The following TEX9 variants were observed in gnomAD, a reference collection of about 807,000 sequenced individuals.
TEX9 encodes the protein testis-expressed protein 9.
Under a neutral mutation model 59.6 loss-of-function variants are expected in TEX9, and 74 were observed. That is an observed-to-expected ratio of 1.24 (90% CI 1.03 to 1.51). The LOEUF is 1.51. Among genes scored for constraint, TEX9 ranks in the 40% most tolerant of loss-of-function variants. TEX9 has a pLI of 0.00. For synonymous variants in TEX9, 186 were observed against 152.2 expected, an observed-to-expected ratio of 1.22 and a Z score of -1.64; for missense variants, 522 against 447.8, an observed-to-expected ratio of 1.17 and a Z score of -1.49.
chr15:56,456,613 C>A, the TEX9 span: 1 of 1,264,668 alleles, frequency 7.9e-7, no homozygotes, highest in South Asian at 1.4e-5. Context: ...AACTAAATGC[C>A]TTAAGGCCAA....
rs180749152 is a variant in TEX9, at chr15:56,410,474, A to T, written c.829-1828A>T. 2.3e-3 allele frequency among the ~76,000 whole-genome samples: 343 copies of T among 149,432 alleles called. 2 individuals are homozygous for T. In the Middle Eastern group the frequency reaches 0.024, roughly 11 times the overall value. ...TTTGATTTTCTTAGGTTTTTTTTTTAAAAAAAAACTAATGTGCAACTCAGG... is the reference window on the plus strand; with the variant it reads ...TTTGATTTTCTTAGGTTTTTTTTTTTAAAAAAAACTAATGTGCAACTCAGG... On this transcript the variant is annotated intron_variant, in intron 9 of 12. Coordinates refer to ENST00000352903, the Ensembl canonical transcript of TEX9.
chr15:56,281,869 C>T (rs2044827959), intron 1 of TEX9, among the ~76,000 whole-genome samples: 1 of 152,090 alleles, frequency 6.6e-6, no homozygotes, highest in East Asian at 1.9e-4. Context: ...CTTGATTCAT[C>T]CAGGGATGAT....
At chr15:56,415,571 T>C (rs1177325001) in intron 10 of TEX9, among the ~76,000 whole-genome samples, 3 of 151,902 alleles carry the variant, frequency 2.0e-5, no homozygotes, top group African/African-American at 7.3e-5. Flanking sequence ...CCCTCTACTC[T>C]GTTCCATTGG....
At chr15:56,430,906 C>T (rs1034460406) in intron 12 of TEX9, among the ~76,000 whole-genome samples, 1 of 152,056 alleles carries the variant, frequency 6.6e-6, no homozygotes, top group East Asian at 1.9e-4. Flanking sequence ...TGTGGTGGCC[C>T]ACCCAGCACT....
At chr15:56,434,108 G>C (rs374300317) in intron 12 of TEX9, 109 of 1,596,520 alleles carry the variant, frequency 6.8e-5, no homozygotes, top group Non-Finnish European at 8.6e-5. Context: ...TAATGATAAT[G>C]ACCAAAAAAA....
intron 1 of TEX9, among the ~76,000 whole-genome samples, chr15:56,352,445 G>A (rs1432420569): frequency 6.6e-6 from 1 of 151,358 alleles, no homozygotes; most frequent in Non-Finnish European, 1.5e-5. Flanking sequence ...TAGAGATGGT[G>A]TTTCACCATG....
chr15:56,330,872 A>C lies in TEX9; in HGVS notation c.-106-42569A>C, dbSNP rs570466038. On this transcript the variant is annotated intron_variant, in intron 1 of 5. Transcript: ENST00000560827. ...AAAAAGACATGGAATAGCTGACTGG[A>C]TTGAAAAAAAATAGGACCCAATGAT... Among the ~76,000 whole-genome samples, 12 of 152,272 alleles carry C rather than the reference A, an allele frequency of 7.9e-5. No homozygotes were observed. In the South Asian group the frequency reaches 2.3e-3, roughly 29 times the overall value.
chr15:56,418,007 TTTTTCTG>T (rs1347057716), intron 10 of TEX9, among the ~76,000 whole-genome samples: 21 of 151,998 alleles, frequency 1.4e-4, no homozygotes, highest in African/African-American at 4.8e-4. Flanking sequence ...AACCCCTGCT[TTTTTCTG>T]TTTTCTATTT....
intron 12 of TEX9, chr15:56,444,392 G>A (rs1808029560): frequency 1.8e-5 from 26 of 1,472,032 alleles, no homozygotes; most frequent in Non-Finnish European, 2.2e-5. Flanking sequence ...ACAAACCTGT[G>A]ATATATCTAA....
chr15:56,400,010 A>G (rs999743797), intron 9 of TEX9, among the ~76,000 whole-genome samples: 4 of 152,230 alleles, frequency 2.6e-5, no homozygotes, highest in African/African-American at 4.8e-5. Context: ...AAGGTAGATA[A>G]AACCACAAAG....
At chr15:56,328,952 T>TGGTA (rs2046083853) in intron 1 of TEX9, among the ~76,000 whole-genome samples, 2 of 152,132 alleles carry the variant, frequency 1.3e-5, no homozygotes, top group African/African-American at 4.8e-5. Flanking sequence ...TGGCAATCAG[T>TGGTA]GGCTACAATG....
At chr15:56,356,469 A>G (rs1218018056) in intron 1 of TEX9, among the ~76,000 whole-genome samples, 1 of 151,832 alleles carries the variant, frequency 6.6e-6, no homozygotes, top group Non-Finnish European at 1.5e-5. Context: ...GTTTCAAAAT[A>G]CTCCACTAGT....
At chr15:56,331,188 C>T (rs904303222) in intron 1 of TEX9, among the ~76,000 whole-genome samples, 1 of 151,998 alleles carries the variant, frequency 6.6e-6, no homozygotes, top group South Asian at 2.1e-4. Context: ...AGAGATAGAC[C>T]TCAATATAAT....
At chr15:56,265,517 G>A (rs72740524) in intron 1 of TEX9, among the ~76,000 whole-genome samples, 1 of 151,842 alleles carries the variant, frequency 6.6e-6, no homozygotes, top group Non-Finnish European at 1.5e-5. Context: ...TTCACTATGA[G>A]GGCAGCTTTA....
chr15:56,446,739 G>A, downstream of TEX9: 1 of 751,212 alleles, frequency 1.3e-6, no homozygotes, highest in South Asian at 1.9e-5. Flanking sequence ...AAGAAATCTA[G>A]CAGTGTAAAT....
exon 7 of TEX9, chr15:56,391,251 T>C (rs1412937190): frequency 6.5e-7 from 1 of 1,550,016 alleles, no homozygotes; most frequent in Non-Finnish European, 8.7e-7. Context: ...AGTGTTAAAT[T>C]GAAATACTCT....
intron 6 of TEX9, 133 bp downstream of exon 6, chr15:56,389,533 T>G: frequency 1.6e-6 from 1 of 615,408 alleles, no homozygotes; most frequent in Non-Finnish European, 2.8e-6. Flanking sequence ...ACCACATATA[T>G]CTTATCCACA....
At chr15:56,379,071 CAAA>C (rs199787439) in intron 3 of TEX9, among the ~76,000 whole-genome samples, 1 of 50,220 alleles carries the variant, frequency 2.0e-5, no homozygotes, top group African/African-American at 5.1e-5. Context: ...CTCAAAGAAA[CAAA>C]AAAAAAAAAA....
At chr15:56,348,886 GAT>G (rs2046522465) in intron 1 of TEX9, among the ~76,000 whole-genome samples, 1 of 151,670 alleles carries the variant, frequency 6.6e-6, no homozygotes, top group South Asian at 2.1e-4. Context: ...TAGAATTACT[GAT>G]ATTGCCTCAC....
Sources: allele counts gnomAD v4.1 joint callset (sites outside exome capture counted in the v4.1 genomes callset), GRCh38; gene constraint gnomAD v4.1.1; transcripts MANE v1.5; gene names NCBI Gene and HGNC (gene_info 2026-07-23, HGNC 2026-07-21).